The following B4GALNT3 variants were observed in gnomAD, a reference collection of about 807,000 sequenced individuals.
The protein encoded by B4GALNT3 is beta-1,4-N-acetylgalactosaminyltransferase 3.
B4GALNT3 carries 86 observed loss-of-function variants against 120.2 expected under a neutral mutation model. That is an observed-to-expected ratio of 0.72 (90% confidence interval 0.60 to 0.86). B4GALNT3 has a LOEUF of 0.86. Ranked by LOEUF, B4GALNT3 falls within the 40% of genes least tolerant of loss-of-function variation. The probability of loss-of-function intolerance (pLI) is 0.00; values close to 1 mark genes in which losing one functional copy is unlikely to be tolerated. For missense variants in B4GALNT3, 1,167 were observed against 1,298.9 expected, an observed-to-expected ratio of 0.90 and a Z score of 1.56; for synonymous variants, 518 against 510.4, an observed-to-expected ratio of 1.01 and a Z score of -0.20.
At chr12:489,124 G>A (rs1946317443) in intron 1 of B4GALNT3, among the ~76,000 whole-genome samples, 1 of 140,014 alleles carries the variant, frequency 7.1e-6, no homozygotes, top group African/African-American at 2.6e-5. Context: ...GAGAACACAT[G>A]GACACAGGGA....
intron 1 of B4GALNT3, among the ~76,000 whole-genome samples, chr12:512,334 T>TCGA (rs1946591224): frequency 8.2e-6 from 1 of 122,484 alleles, no homozygotes; most frequent in African/African-American, 3.5e-5. Flanking sequence ...CCTTCCACCT[T>TCGA]CCTTCCACCT....
chr12:484,343 C>T (rs12228173), intron 1 of B4GALNT3, among the ~76,000 whole-genome samples: 7,976 of 152,250 alleles, frequency 0.052, 320 homozygotes, highest in East Asian at 0.21. Flanking sequence ...CAAGCAATGC[C>T]ATCCTGTTGG....
At chr12:494,371 G>A (rs1422645932) in intron 1 of B4GALNT3, among the ~76,000 whole-genome samples, 2 of 151,592 alleles carry the variant, frequency 1.3e-5, no homozygotes, top group Non-Finnish European at 2.9e-5. Context: ...AGCTTCATCA[G>A]TCAGCGTTCA....
chr12:504,459 C>T (rs1000935329), intron 1 of B4GALNT3, among the ~76,000 whole-genome samples: 40 of 151,906 alleles, frequency 2.6e-4, no homozygotes, highest in Admixed American at 1.6e-3. Context: ...GCCCCCCCGC[C>T]CCCGAACTCT....
At chr12:520,772 C>T (rs12305859) in intron 1 of B4GALNT3, among the ~76,000 whole-genome samples, 2,479 of 152,352 alleles carry the variant, frequency 0.016, 76 homozygotes, top group African/African-American at 0.056. Flanking sequence ...GCCTGGGTGA[C>T]AGAGCGAGAC....
intron 5 of B4GALNT3, 36 bp from the exon 6 acceptor site, chr12:545,333 C>T: frequency 1.3e-6 from 2 of 1,585,954 alleles, no homozygotes; most frequent in Non-Finnish European, 1.7e-6. Context: ...CTGATGCCCT[C>T]CTTGCCCTCA....
intron 3 of B4GALNT3, among the ~76,000 whole-genome samples, chr12:544,097 C>G (rs1946958306): frequency 1.7e-5 from 2 of 120,224 alleles, no homozygotes; most frequent in South Asian, 5.3e-4. Flanking sequence ...GGGTGCTCAT[C>G]TTCCTGGAGC....
At chr12:468,584 A>G (rs1946105421) in intron 1 of B4GALNT3, among the ~76,000 whole-genome samples, 1 of 152,136 alleles carries the variant, frequency 6.6e-6, no homozygotes, top group South Asian at 2.1e-4. Context: ...AAGGCCAGAA[A>G]CCTGGTGTGT....
chr12:516,049 G>A (rs1056250472), intron 1 of B4GALNT3, among the ~76,000 whole-genome samples: 24 of 152,032 alleles, frequency 1.6e-4, no homozygotes, highest in Non-Finnish European at 3.2e-4. Context: ...GGGAGGCTAA[G>A]GCAGGAGAAT....
intron 1 of B4GALNT3, among the ~76,000 whole-genome samples, chr12:461,096 C>T (rs913181829): frequency 6.6e-6 from 1 of 152,144 alleles, no homozygotes; most frequent in African/African-American, 2.4e-5. Context: ...AGAGTCCCGT[C>T]TCTTCCCCGC....
At chr12:482,639 C>T (rs935756124) in intron 1 of B4GALNT3, among the ~76,000 whole-genome samples, 1 of 152,040 alleles carries the variant, frequency 6.6e-6, no homozygotes, top group Non-Finnish European at 1.5e-5. Context: ...TCGTTATTTC[C>T]GGTGAGAGAG....
rs554493320 is a variant in B4GALNT3 at position 554,061 on chromosome 12, G to A, written c.2060+78G>A. 48 of 959,858 alleles carry A rather than the reference G, an allele frequency of 5.0e-5. No homozygotes were observed. The African/African-American group carries it at 6.9e-4, about 14-fold the overall frequency. 59.5% of individuals were successfully genotyped at this position (959,858 alleles called of 1,614,324 possible). ...TGGCCTGGAAGGCAGGGGCCTAAGG[G>A]CTGGTAGTGGGTTCCCCCAGCCGCG... On this transcript the variant is annotated intron_variant, in intron 14 of 19. Transcript: ENST00000266383.
chr12:540,032 A>C (rs1946898809), intron 3 of B4GALNT3, among the ~76,000 whole-genome samples: 1 of 152,242 alleles, frequency 6.6e-6, no homozygotes, highest in African/African-American at 2.4e-5. Flanking sequence ...GGGAGGCCCC[A>C]CTGCCGCATG....
chr12:544,471 A>G (rs1946966239), intron 4 of B4GALNT3, 37 bp downstream of exon 4: 6 of 1,557,536 alleles, frequency 3.9e-6, no homozygotes, highest in Non-Finnish European at 5.3e-6. Flanking sequence ...ACCTCCCTCC[A>G]CACCTGCCTC....
chr12:526,466 A>T (rs955544260), intron 1 of B4GALNT3, among the ~76,000 whole-genome samples: 1 of 152,160 alleles, frequency 6.6e-6, no homozygotes, highest in African/African-American at 2.4e-5. Context: ...GACCTGAGGG[A>T]TCCTGGAAGC....
chr12:531,921 A>G (rs577061852), intron 1 of B4GALNT3, among the ~76,000 whole-genome samples: 6 of 152,204 alleles, frequency 3.9e-5, no homozygotes, highest in Middle Eastern at 6.8e-3. Context: ...TCAAGCAGTC[A>G]CAGTTTATAA....
chr12:547,968 G>GCGA, intron 7 of B4GALNT3, 56 bp from the exon 8 acceptor site: 1 of 1,491,784 alleles, frequency 6.7e-7, no homozygotes, highest in South Asian at 1.1e-5. Flanking sequence ...GGACAGAGCC[G>GCGA]CGACCCCAGG....
chr12:507,027 C>T (rs1461170101), intron 1 of B4GALNT3, among the ~76,000 whole-genome samples: 11 of 152,250 alleles, frequency 7.2e-5, no homozygotes, highest in Non-Finnish European at 7.3e-5. Flanking sequence ...ACTTTGCTCA[C>T]ACCCAGTTTC....
At chr12:556,320 A>G (rs1489753439) in intron 14 of B4GALNT3, among the ~76,000 whole-genome samples, 2 of 152,206 alleles carry the variant, frequency 1.3e-5, no homozygotes, top group Non-Finnish European at 2.9e-5. Flanking sequence ...TTGGAGCTGT[A>G]AAAGACCTTC....
Sources: gnomAD v4.1 joint callset for allele counts (sites outside exome capture counted in the v4.1 genomes callset) on GRCh38, gnomAD v4.1.1 for gene constraint, MANE v1.5 for transcripts, NCBI Gene and HGNC (gene_info 2026-07-23, HGNC 2026-07-21) for gene names.